BZW2: variants seen among roughly 807,000 people sequenced by gnomAD.
The protein encoded by BZW2 is basic leucine zipper and W2 domains 2.
Under a neutral mutation model 53.2 loss-of-function variants are expected in BZW2, and 23 were observed. The observed-to-expected ratio is 0.43, with a 90% CI of 0.31 to 0.61. The LOEUF (loss-of-function observed/expected upper bound fraction) is 0.61, where lower values mean the gene tolerates loss of function less well. Ranked by LOEUF, BZW2 falls within the 20% of genes least tolerant of loss-of-function variation. The probability of loss-of-function intolerance (pLI) is 0.09; values close to 1 mark genes in which losing one functional copy is unlikely to be tolerated. For synonymous variants in BZW2, 227 were observed against 186.4 expected (o/e 1.22, Z -1.77); for missense variants, 409 against 503.1 (o/e 0.81, Z 1.79).
At chr7:16,680,537 G>T (rs965576666) in intron 3 of BZW2, among the ~76,000 whole-genome samples, 1 of 152,138 alleles carries the variant, frequency 6.6e-6, no homozygotes, top group African/African-American at 2.4e-5. Context: ...AACTACAGTG[G>T]CTTACGTCTG....
In BZW2 at chr7:16,694,506, C is replaced by T. The variant is rs1417311002; in HGVS notation, c.652-328C>T. Among the ~76,000 whole-genome samples, 3 of 152,114 alleles carry T rather than the reference C, an allele frequency of 2.0e-5. 1 individual carries two copies. Among genetic ancestry groups the T allele is most frequent in the African/African-American group, 7.2e-5 (3 of 41,498 alleles). Reference sequence around the variant, plus strand: ...CACCAGGTCCCCTCCCAACATAACCCACTAATCCATGAATGGATTAATCCA... The same window carrying T: ...CACCAGGTCCCCTCCCAACATAACCTACTAATCCATGAATGGATTAATCCA... On this transcript the variant is annotated intron_variant, in intron 7 of 11. Transcript: ENST00000258761.
intron 2 of BZW2, among the ~76,000 whole-genome samples, chr7:16,670,983 C>T (rs958614640): frequency 6.6e-6 from 1 of 152,218 alleles, no homozygotes; most frequent in African/African-American, 2.4e-5. Flanking sequence ...GTGTTAACCA[C>T]TTACAACCCA....
At chr7:16,646,418 G>C (rs539425628) in intron 1 of BZW2, 130 bp downstream of exon 1, 1 of 161,410 alleles carries the variant, frequency 6.2e-6, no homozygotes, top group Admixed American at 6.4e-5. Flanking sequence ...GCGGCTTCCT[G>C]CCTCGCGGTG....
chr7:16,653,999 C>T (rs1158353294), intron 1 of BZW2, among the ~76,000 whole-genome samples: 2 of 146,464 alleles, frequency 1.4e-5, no homozygotes, highest in Admixed American at 7.2e-5. Flanking sequence ...GTAATCCCAT[C>T]GCTTTGGGTG....
intron 7 of BZW2, among the ~76,000 whole-genome samples, chr7:16,693,001 G>A (rs961806572): frequency 6.6e-6 from 1 of 152,192 alleles, no homozygotes; most frequent in Non-Finnish European, 1.5e-5. Context: ...GCAGGTGAGA[G>A]CAAAAGTGTA....
At chr7:16,687,338 T>G (rs1783157482) in intron 6 of BZW2, 1 of 152,196 alleles carries the variant, frequency 6.6e-6, no homozygotes, top group Non-Finnish European at 1.5e-5. Context: ...GGAAGTAACA[T>G]AGTACCTCTG....
At chr7:16,701,326 C>T (rs1166462272) in intron 10 of BZW2, among the ~76,000 whole-genome samples, 1 of 152,118 alleles carries the variant, frequency 6.6e-6, no homozygotes, top group Admixed American at 6.5e-5. Flanking sequence ...ATGTGTAAAA[C>T]TACCTTGTCA....
intron 2 of BZW2, among the ~76,000 whole-genome samples, chr7:16,673,099 A>G (rs192909330): frequency 0.015 from 2,270 of 151,988 alleles, 28 homozygotes; most frequent in Non-Finnish European, 0.025. Flanking sequence ...GGGGCCCGCC[A>G]CCACCCCTGG....
intron 11 of BZW2, among the ~76,000 whole-genome samples, chr7:16,705,358 G>A (rs947031690): frequency 6.7e-6 from 1 of 149,250 alleles, no homozygotes; most frequent in Non-Finnish European, 1.5e-5. Flanking sequence ...ACTCCATCTC[G>A]ATAAATAAAT....
At chr7:16,688,032 T>G (rs1317674528) in intron 6 of BZW2, among the ~76,000 whole-genome samples, 2 of 146,438 alleles carry the variant, frequency 1.4e-5, no homozygotes, top group Admixed American at 6.8e-5. Flanking sequence ...GCCGTTTTTG[T>G]TTTTTTTTTA....
intron 1 of BZW2, among the ~76,000 whole-genome samples, chr7:16,661,494 G>A (rs1221851486): frequency 6.6e-6 from 1 of 152,106 alleles, no homozygotes; most frequent in Non-Finnish European, 1.5e-5. Context: ...AGGACAGTTA[G>A]AAGATTAACA....
At position 16,663,298 on chromosome 7, in the gene BZW2, G is replaced by C. The variant is rs144719735; in HGVS notation, c.-7-2139G>C. Among the ~76,000 whole-genome samples, 8 of 152,258 alleles carry C rather than the reference G, an allele frequency of 5.3e-5. No homozygotes were observed. The East Asian group carries it at 1.5e-3, about 29-fold the overall frequency. On this transcript the variant is annotated intron_variant, in intron 1 of 11. Transcript: ENST00000258761. Reference sequence around the variant, plus strand: ...CTATTACATTGTGTTGCAAATGTTTGAATTTTATCCTTCCTAGTGAGTTTC... The same window carrying C: ...CTATTACATTGTGTTGCAAATGTTTCAATTTTATCCTTCCTAGTGAGTTTC...
intron 2 of BZW2, among the ~76,000 whole-genome samples, chr7:16,670,660 A>G (rs1361743756): frequency 6.6e-6 from 1 of 152,018 alleles, no homozygotes; most frequent in Non-Finnish European, 1.5e-5. Flanking sequence ...TGTGCTTTTC[A>G]GTGGGTTCCT....
intron 10 of BZW2, among the ~76,000 whole-genome samples, chr7:16,702,203 T>G (rs1468094806): frequency 6.6e-6 from 1 of 152,200 alleles, no homozygotes; most frequent in Non-Finnish European, 1.5e-5. Flanking sequence ...GTCTGAATTC[T>G]TTGTCCCTCA....
At chr7:16,695,519 G>A (rs1783452230) in intron 8 of BZW2, among the ~76,000 whole-genome samples, 1 of 152,204 alleles carries the variant, frequency 6.6e-6, no homozygotes, top group Non-Finnish European at 1.5e-5. Context: ...ACACTTGGAA[G>A]AGCTGTGTTT....
chr7:16,655,285 ATTAG>A (rs1329984902), intron 1 of BZW2, among the ~76,000 whole-genome samples: 7 of 152,332 alleles, frequency 4.6e-5, no homozygotes, highest in African/African-American at 1.4e-4. Context: ...TGGAAGCATT[ATTAG>A]TTCATAGTTT....
At chr7:16,657,276 A>T (rs1782147116) in intron 1 of BZW2, among the ~76,000 whole-genome samples, 1 of 152,206 alleles carries the variant, frequency 6.6e-6, no homozygotes, top group African/African-American at 2.4e-5. Context: ...ACTCATGTTG[A>T]CCACCATTGG....
At chr7:16,685,876 C>CTTTTTTTTTTTTTTTTTTTTTTCTTTTTT in intron 5 of BZW2, 29 bp from the exon 6 acceptor site, 2 of 1,293,584 alleles carry the variant, frequency 1.5e-6, no homozygotes, top group East Asian at 3.0e-5. Flanking sequence ...TTTTCTTTTT[C>CTTTTTTTTTTTTTTTTTTTTTTCTTTTTT]TTTTTTTTTT....
chr7:16,647,996 G>T (rs1562472138), intron 1 of BZW2, among the ~76,000 whole-genome samples: 1 of 152,156 alleles, frequency 6.6e-6, no homozygotes, highest in Non-Finnish European at 1.5e-5. Context: ...TTGGTATTTA[G>T]TGCTCTCTGA....
Sources: allele counts gnomAD v4.1 joint callset (sites outside exome capture counted in the v4.1 genomes callset), GRCh38; gene constraint gnomAD v4.1.1; transcripts MANE v1.5; gene names NCBI Gene and HGNC (gene_info 2026-07-23, HGNC 2026-07-21).